FAM178B: variants seen among roughly 807,000 people sequenced by gnomAD.
FAM178B encodes protein FAM178B.
FAM178B carries 82 observed loss-of-function variants against 91.7 expected under a neutral mutation model. The observed-to-expected ratio is 0.89, with a 90% CI of 0.75 to 1.07. The LOEUF is 1.07. FAM178B is among the 50% of genes least tolerant of loss of function. The pLI, the probability that FAM178B is intolerant of heterozygous loss-of-function variation, is 0.00. For synonymous variants in FAM178B, 368 were observed against 359.4 expected (o/e 1.02, Z -0.27); for missense variants, 769 against 846.7 (o/e 0.91, Z 1.14).
chr2:96,960,387 G>A lies in FAM178B; in HGVS notation c.788C>T (p.Pro263Leu). 1.9e-6 allele frequency: 3 copies of A among 1,551,874 alleles called. No homozygotes were observed. Among genetic ancestry groups the A allele is most frequent in the Non-Finnish European group, 2.6e-6 (3 of 1,146,964 alleles). The change falls in exon 6 of 17, where the codon CCA (proline) becomes CTA (leucine). Residue 263 changes from proline (P) to leucine (L), a missense_variant. Transcript: ENST00000490605. ...CCTGGGCAGAAACACAGTCTCACCT[G>A]GATGGACCGGCGGGATGGTCTGCAG... is the stretch of plus-strand genomic sequence containing the variant. ...VSLQTIPPVH[P>L]GETVFLPRCH...
At chr2:96,893,467 TCAGTGACAACCA>T (rs1553494880) in intron 14 of FAM178B, among the ~76,000 whole-genome samples, 2 of 151,958 alleles carry the variant, frequency 1.3e-5, no homozygotes, top group Non-Finnish European at 2.9e-5. Context: ...GGACTCAGAC[TCAGTGACAACCA>T]CAGTGAAAAT....
chr2:96,984,353 T>A (rs924217972), intron 1 of FAM178B, among the ~76,000 whole-genome samples: 2 of 152,204 alleles, frequency 1.3e-5, no homozygotes, highest in African/African-American at 4.8e-5. Context: ...CAATTTAGCA[T>A]CTTCTATGTG....
intron 8 of FAM178B, among the ~76,000 whole-genome samples, chr2:96,945,436 G>A (rs1165063210): frequency 6.6e-6 from 1 of 152,194 alleles, no homozygotes; most frequent in Non-Finnish European, 1.5e-5. Flanking sequence ...CCCTAGGATA[G>A]TCTGGGAAGA....
chr2:96,984,590 C>T (rs1281498545), intron 1 of FAM178B, among the ~76,000 whole-genome samples: 1 of 152,218 alleles, frequency 6.6e-6, no homozygotes, highest in African/African-American at 2.4e-5. Context: ...GGGCAGCTGA[C>T]TCTAGCTGCT....
intron 14 of FAM178B, among the ~76,000 whole-genome samples, chr2:96,892,480 G>A (rs973241415): frequency 8.5e-5 from 13 of 152,140 alleles, no homozygotes; most frequent in Non-Finnish European, 1.9e-4. Flanking sequence ...CCAATATGGC[G>A]GCCAACCAGG....
At chr2:96,948,874 C>T (rs1051434781) in intron 7 of FAM178B, among the ~76,000 whole-genome samples, 3 of 152,148 alleles carry the variant, frequency 2.0e-5, no homozygotes, top group East Asian at 3.9e-4. Context: ...AAGGGGTCAC[C>T]GGGCTCCAGA....
intron 14 of FAM178B, among the ~76,000 whole-genome samples, chr2:96,887,484 G>A (rs2080555807): frequency 1.3e-5 from 2 of 152,214 alleles, no homozygotes; most frequent in Admixed American, 6.5e-5. Context: ...GCCACGGGTT[G>A]AGCCATGCCC....
chr2:96,929,157 T>C, intron 9 of FAM178B, 49 bp downstream of exon 9: 1 of 1,310,376 alleles, frequency 7.6e-7, no homozygotes, highest in Non-Finnish European at 1.1e-6. Flanking sequence ...AGACCCTGTC[T>C]CTTAAAAAAT....
At chr2:96,887,030 T>C (rs555612327) in intron 14 of FAM178B, among the ~76,000 whole-genome samples, 3 of 152,058 alleles carry the variant, frequency 2.0e-5, no homozygotes, top group African/African-American at 4.8e-5. Context: ...CTGGTTAACA[T>C]GGTGAAACCC....
intron 12 of FAM178B, among the ~76,000 whole-genome samples, chr2:96,909,174 AGAAAACACCTT>A (rs2081109180): frequency 6.6e-6 from 1 of 152,032 alleles, no homozygotes; most frequent in South Asian, 2.1e-4. Context: ...AAAAGAAAAA[AGAAAACACCTT>A]GAAGTCACCT....
Position 96,972,317 on chromosome 2 carries a change from G to A in FAM178B, c.148C>T (p.Gln50Ter). ...AGGATGGGCACGGTGGCGGCAGCCT[G>A]CACCCCTGCAGACAGGACAGAATAC... is the stretch of plus-strand genomic sequence containing the variant. Reference protein sequence around the residue: ...VLALPLREGVQAAATVPILLY... With the variant: ...VLALPLREGV The change falls in exon 3 of 17, where the codon CAG becomes TAG. Residue 50 changes from glutamine to a stop codon, truncating the protein, a stop_gained. Transcript: ENST00000490605. LOFTEE classifies it high-confidence loss of function. The A allele has an allele frequency of 6.8e-7, 1 of 1,466,204 alleles. No individual in the cohort carries two copies. Among genetic ancestry groups the A allele is most frequent in the Non-Finnish European group, 9.0e-7 (1 of 1,106,792 alleles). The allele number at this position is 1,466,204 out of a possible 1,614,324, so 90.8% of individuals were successfully genotyped here.
At chr2:96,922,131 C>A (rs1490782050) in intron 10 of FAM178B, among the ~76,000 whole-genome samples, 1 of 152,100 alleles carries the variant, frequency 6.6e-6, no homozygotes, top group Non-Finnish European at 1.5e-5. Flanking sequence ...AAAAGACACT[C>A]CCACCAGTAC....
intron 9 of FAM178B, among the ~76,000 whole-genome samples, chr2:96,927,226 A>G (rs2081456564): frequency 6.6e-6 from 1 of 152,126 alleles, no homozygotes; most frequent in Non-Finnish European, 1.5e-5. Context: ...CTACCCAGGC[A>G]TTTTCGCCAT....
At chr2:96,967,716 C>G (rs1348511231) in intron 4 of FAM178B, 89 bp from the exon 5 acceptor site, 6 of 882,812 alleles carry the variant, frequency 6.8e-6, no homozygotes, top group African/African-American at 1.6e-5. Flanking sequence ...GCCACCAACA[C>G]AGCAAGACCA....
intron 14 of FAM178B, among the ~76,000 whole-genome samples, chr2:96,883,913 G>A (rs1029429756): frequency 9.9e-5 from 15 of 152,168 alleles, no homozygotes; most frequent in Non-Finnish European, 1.9e-4. Context: ...CAGCCCAGGA[G>A]AAGCATTCTG....
At chr2:96,955,448 T>C (rs935810889) in intron 6 of FAM178B, among the ~76,000 whole-genome samples, 9 of 151,474 alleles carry the variant, frequency 5.9e-5, no homozygotes, top group Non-Finnish European at 1.3e-4. Context: ...GAGGCGGAGC[T>C]TGCAGTGAGC....
intron 7 of FAM178B, among the ~76,000 whole-genome samples, chr2:96,950,882 C>T (rs1322735097): frequency 1.3e-5 from 2 of 152,198 alleles, no homozygotes; most frequent in African/African-American, 4.8e-5. Flanking sequence ...GCTCCAAATT[C>T]ACGAGGGATC....
intron 14 of FAM178B, among the ~76,000 whole-genome samples, chr2:96,879,295 C>G (rs2080321368): frequency 6.6e-6 from 1 of 152,180 alleles, no homozygotes; most frequent in African/African-American, 2.4e-5. Context: ...CAGGAGGTGG[C>G]AGATGACCAG....
At chr2:96,915,448 G>C (rs1270906622) in intron 12 of FAM178B, among the ~76,000 whole-genome samples, 1 of 151,946 alleles carries the variant, frequency 6.6e-6, no homozygotes, top group African/African-American at 2.4e-5. Flanking sequence ...TTAAATAGAA[G>C]TGATTCTGGC....
Sources: gnomAD v4.1 joint callset for allele counts (sites outside exome capture counted in the v4.1 genomes callset) on GRCh38, gnomAD v4.1.1 for gene constraint, MANE v1.5 for transcripts, NCBI Gene and HGNC (gene_info 2026-07-23, HGNC 2026-07-21) for gene names.